The following SELENOF variants were observed in gnomAD, a reference collection of about 807,000 sequenced individuals.
The protein encoded by SELENOF is selenoprotein F, also known as 15 kDa selenoprotein.
A neutral mutation model predicts 20.5 loss-of-function variants in SELENOF; 16 were observed. That is an observed-to-expected ratio of 0.78 (90% CI 0.53 to 1.19). The LOEUF is 1.19. Among genes scored for constraint, SELENOF ranks in the 50% most tolerant of loss-of-function variants. The pLI is 0.00. For synonymous variants in SELENOF, 78 were observed against 74.5 expected (o/e 1.05, Z -0.24); for missense variants, 215 against 194.2 (o/e 1.11, Z -0.64).
intron 3 of SELENOF, 123 bp downstream of exon 3, chr1:86,880,539 C>A: frequency 1.5e-5 from 8 of 525,048 alleles, no homozygotes; most frequent in South Asian, 6.7e-5. Context: ...GAAAAAAAAG[C>A]ATATATTGTT....
rs572347321 is a variant in SELENOF, at chr1:86,902,252, T to C, written c.252+1029A>G. On this transcript the variant is annotated intron_variant, in intron 2 of 4. Coordinates refer to ENST00000331835, the MANE Select transcript of SELENOF (RefSeq NM_004261.5). ...AACATTAAAATGTTTTACTGGTATA[T>C]GTGAACCAGTAAAGTGAAAAACATG... 1.2e-4 allele frequency among the ~76,000 whole-genome samples: 18 copies of C among 152,350 alleles called. No homozygotes were observed. The East Asian group carries it at 3.5e-3, about 29-fold the overall frequency.
At chr1:86,887,357 AACTC>A (rs1202291323) in intron 2 of SELENOF, among the ~76,000 whole-genome samples, 2 of 152,204 alleles carry the variant, frequency 1.3e-5, no homozygotes, top group African/African-American at 4.8e-5. Flanking sequence ...TGCCTAAGGA[AACTC>A]ACTAAGTTTA....
At chr1:86,873,203 G>C (rs1002010676) in intron 3 of SELENOF, among the ~76,000 whole-genome samples, 1 of 151,840 alleles carries the variant, frequency 6.6e-6, no homozygotes, top group African/African-American at 2.4e-5. Context: ...GTTGCAGTGA[G>C]CCGAGATCCC....
At chr1:86,866,716 A>T (rs530853274) in intron 4 of SELENOF, among the ~76,000 whole-genome samples, 7 of 152,348 alleles carry the variant, frequency 4.6e-5, no homozygotes, top group African/African-American at 1.7e-4. Context: ...TATTCAAATC[A>T]TGTATCATTA....
intron 3 of SELENOF, among the ~76,000 whole-genome samples, chr1:86,874,128 T>TA (rs1374539181): frequency 6.6e-6 from 1 of 151,144 alleles, no homozygotes; most frequent in African/African-American, 2.4e-5. Context: ...GATTCCCTGC[T>TA]AATTTTTTTT....
At chr1:86,883,468 G>A (rs577010528) in intron 2 of SELENOF, among the ~76,000 whole-genome samples, 20 of 151,632 alleles carry the variant, frequency 1.3e-4, no homozygotes, top group African/African-American at 4.1e-4. Context: ...AGTGTATAGT[G>A]TATGTACACT....
chr1:86,867,362 G>C (rs1490925742), intron 4 of SELENOF, among the ~76,000 whole-genome samples: 1 of 152,046 alleles, frequency 6.6e-6, no homozygotes, highest in South Asian at 2.1e-4. Flanking sequence ...GCATGGTGGC[G>C]TGCTCCTGTA....
chr1:86,910,661 G>A (rs1370947742), intron 1 of SELENOF, among the ~76,000 whole-genome samples: 1 of 124,732 alleles, frequency 8.0e-6, no homozygotes, highest in African/African-American at 3.5e-5. Flanking sequence ...CCGAGATGAT[G>A]CCACCGCACT....
At chr1:86,877,793 G>A (rs1658963371) in intron 3 of SELENOF, among the ~76,000 whole-genome samples, 1 of 152,152 alleles carries the variant, frequency 6.6e-6, no homozygotes, top group African/African-American at 2.4e-5. Context: ...ACACAGTGAC[G>A]TGCATTCGTT....
At chr1:86,914,433 C>T, upstream of SELENOF, 1 of 414,444 alleles carries the variant, frequency 2.4e-6, no homozygotes, top group Admixed American at 3.6e-5. Flanking sequence ...CCAAGTTTAC[C>T]CAATTGAATG....
intron 2 of SELENOF, among the ~76,000 whole-genome samples, chr1:86,899,445 G>T (rs1417594512): frequency 2.3e-5 from 3 of 127,946 alleles, no homozygotes; most frequent in Admixed American, 1.4e-4. Context: ...CCCGGACGGG[G>T]CGGCTGGCCG....
chr1:86,871,381 A>G (rs1422200176), intron 3 of SELENOF, among the ~76,000 whole-genome samples: 1 of 152,226 alleles, frequency 6.6e-6, no homozygotes, highest in African/African-American at 2.4e-5. Context: ...CTGAGAATTT[A>G]TGTTCACTTG....
In SELENOF at chr1:86,862,607, A is replaced by G. The variant is rs1658482891; in HGVS notation, c.*867T>C. 6.6e-6 allele frequency: 1 copy of G among 152,222 alleles called. No individual in the cohort carries two copies. Among genetic ancestry groups the G allele is most frequent in the Non-Finnish European group, 1.5e-5 (1 of 68,044 alleles). 9.4% of individuals were successfully genotyped at this position (152,222 alleles called of 1,614,324 possible). A position where few individuals can be genotyped will look rare whatever the true frequency, so the allele number is the denominator to read the frequency against. ...AACAATAAGATGTTATAAGTTTTAA[A>G]TATTACAGCCATTTTTACATTTTGG... On this transcript the variant is annotated 3_prime_UTR_variant, in exon 5 of 5. Transcript: ENST00000331835.
chr1:86,892,973 T>C (rs923047742), intron 2 of SELENOF, among the ~76,000 whole-genome samples: 5 of 152,194 alleles, frequency 3.3e-5, no homozygotes, highest in African/African-American at 1.2e-4. Flanking sequence ...CAGGTCTTAC[T>C]ATTAACATTT....
At chr1:86,914,264 T>G (rs896425004), upstream of SELENOF, 6 of 676,236 alleles carry the variant, frequency 8.9e-6, no homozygotes, top group African/African-American at 1.1e-4. Context: ...AGCTTAAAAG[T>G]CATCAAATAC....
chr1:86,888,275 A>C (rs956730251), intron 2 of SELENOF, among the ~76,000 whole-genome samples: 1 of 151,844 alleles, frequency 6.6e-6, no homozygotes, highest in African/African-American at 2.4e-5. Flanking sequence ...AAAAAAAAAA[A>C]ACAACAAAAC....
At chr1:86,863,781 G>A (rs956780727) in intron 4 of SELENOF, among the ~76,000 whole-genome samples, 176 bp from the exon 5 acceptor site, 2 of 151,172 alleles carry the variant, frequency 1.3e-5, no homozygotes, top group South Asian at 2.1e-4. Flanking sequence ...ACAGGATTTC[G>A]GAAAAAAAGG....
In SELENOF at chr1:86,893,695, G is replaced by T. The variant is rs114421066; in HGVS notation, c.252+9586C>A. ...AATTCTTATAAAAAGAGAGAAAGAG[G>T]TAAGCTTCTAATGAGGTATACATGT... On this transcript the variant is annotated intron_variant, in intron 2 of 4. Transcript: ENST00000331835. 3.7e-3 allele frequency among the ~76,000 whole-genome samples: 557 copies of T among 152,182 alleles called. 6 individuals are homozygous for T. The highest frequency in any genetic ancestry group is 0.013 in the African/African-American group (537 of 41,522).
intron 2 of SELENOF, among the ~76,000 whole-genome samples, chr1:86,900,406 C>T (rs1234122539): frequency 3.3e-5 from 5 of 150,540 alleles, no homozygotes; most frequent in African/African-American, 1.2e-4. Context: ...GCCAACACAG[C>T]GAAACCCCGT....
Sources: allele counts gnomAD v4.1 joint callset (sites outside exome capture counted in the v4.1 genomes callset), GRCh38; gene constraint gnomAD v4.1.1; transcripts MANE v1.5; gene names NCBI Gene and HGNC (gene_info 2026-07-23, HGNC 2026-07-21).